The following HS3ST2 variants were observed in gnomAD, a reference collection of about 807,000 sequenced individuals.
The protein encoded by HS3ST2 is heparan sulfate glucosamine 3-O-sulfotransferase 2.
HS3ST2 carries 17 observed loss-of-function variants against 26.3 expected under a neutral mutation model. The observed-to-expected ratio is 0.65, with a 90% confidence interval of 0.44 to 0.97. HS3ST2 has a LOEUF of 0.97. Among genes scored for constraint, HS3ST2 ranks in the 50% least tolerant of loss-of-function variants. The pLI is 0.00. For missense variants in HS3ST2, 402 were observed against 501.2 expected, an observed-to-expected ratio of 0.80 and a Z score of 1.89; for synonymous variants, 237 against 219.2, an observed-to-expected ratio of 1.08 and a Z score of -0.72.
chr16:22,846,391 C>G lies in HS3ST2; in HGVS notation c.485+31296C>G, dbSNP rs115903305. Among the ~76,000 whole-genome samples the G allele has an allele frequency of 6.2e-3, 947 of 152,186 alleles. 13 individuals carry two copies. The highest frequency in any genetic ancestry group is 0.022 in the African/African-American group (899 of 41,508). ...TCTCATTGCAAACCCTTTCTTTGCT[C>G]TCACCTCTAATGCCTCCCTTGTTAT... is the stretch of plus-strand genomic sequence containing the variant. On this transcript the variant is annotated intron_variant, in intron 1 of 1. Transcript: ENST00000261374.
At chr16:22,861,450 G>C (rs963129014) in intron 1 of HS3ST2, among the ~76,000 whole-genome samples, 1 of 151,910 alleles carries the variant, frequency 6.6e-6, no homozygotes, top group Non-Finnish European at 1.5e-5. Flanking sequence ...AGGACTGGGG[G>C]CCATACCCTG....
chr16:22,825,892 G>A lies in HS3ST2; in HGVS notation c.485+10797G>A, dbSNP rs549808965. 4.5e-4 allele frequency among the ~76,000 whole-genome samples: 69 copies of A among 152,182 alleles called. 1 individual carries two copies. Among genetic ancestry groups the A allele is most frequent in the African/African-American group, 1.5e-3 (62 of 41,524 alleles). On this transcript the variant is annotated intron_variant, in intron 1 of 1. Coordinates refer to ENST00000261374, the MANE Select transcript of HS3ST2 (RefSeq NM_006043.2). The stretch of plus-strand genomic sequence containing the variant: ...ACAAAAATTAGCTGGGCGTGGTGGC[G>A]TGCGCCTGTATTCCCAGCTACTTGG...
At position 22,915,594 on chromosome 16, in the gene HS3ST2, T is replaced by C. The variant is rs1200066005; in HGVS notation, c.*32T>C. 2 of 1,588,284 alleles carry C rather than the reference T, an allele frequency of 1.3e-6. No individual in the cohort carries two copies. Among genetic ancestry groups the C allele is most frequent in the East Asian group, 4.5e-5 (2 of 44,632 alleles). ...GAAAGGAAAGGGCTCTCAAGGGCTC[T>C]TCTGCTCATCTCTTCCGTGAGATTT... On this transcript the variant is annotated 3_prime_UTR_variant, in exon 2 of 2. Coordinates refer to ENST00000261374, the MANE Select transcript of HS3ST2 (RefSeq NM_006043.2).
chr16:22,910,889 A>C (rs994283520), intron 1 of HS3ST2, among the ~76,000 whole-genome samples: 3 of 152,210 alleles, frequency 2.0e-5, no homozygotes, highest in African/African-American at 7.2e-5. Flanking sequence ...ATGGTTGCAC[A>C]TAAGGATTAG....
chr16:22,881,790 C>T (rs1320287572), intron 1 of HS3ST2, among the ~76,000 whole-genome samples: 1 of 152,166 alleles, frequency 6.6e-6, no homozygotes, highest in Non-Finnish European at 1.5e-5. Flanking sequence ...GGGTCCTTTG[C>T]TCACTTCTCT....
In HS3ST2 at chr16:22,874,491, G is replaced by A. The variant is rs556542082; in HGVS notation, c.486-40453G>A. ...TCAAGCCTGGTTTCCCAGCGATCAC[G>A]TCTGAGTCTCCCAATCCATGCTTCC... On this transcript the variant is annotated intron_variant, in intron 1 of 1. Transcript: ENST00000261374. Among the ~76,000 whole-genome samples, 53 of 152,332 alleles carry A rather than the reference G, an allele frequency of 3.5e-4. 3 individuals are homozygous for A. The South Asian group carries it at 0.011, about 31-fold the overall frequency.
intron 1 of HS3ST2, among the ~76,000 whole-genome samples, chr16:22,895,979 CTT>C (rs111437323): frequency 2.1e-5 from 3 of 144,214 alleles, no homozygotes; most frequent in Admixed American, 7.0e-5. Flanking sequence ...TAATTTTTAT[CTT>C]TTTTTTTTTT....
At chr16:22,818,472 AT>A (rs1900908018) in intron 1 of HS3ST2, among the ~76,000 whole-genome samples, 3 of 152,204 alleles carry the variant, frequency 2.0e-5, no homozygotes, top group African/African-American at 7.2e-5. Flanking sequence ...ATTGCTACTA[AT>A]TACTACAACA....
chr16:22,841,624 G>A (rs1412648224), intron 1 of HS3ST2, among the ~76,000 whole-genome samples: 3 of 152,144 alleles, frequency 2.0e-5, no homozygotes, highest in Non-Finnish European at 4.4e-5. Flanking sequence ...TGATTGTCTA[G>A]TATTTTAATT....
intron 1 of HS3ST2, among the ~76,000 whole-genome samples, chr16:22,850,751 C>T (rs1014577239): frequency 6.6e-6 from 1 of 152,206 alleles, no homozygotes; most frequent in Non-Finnish European, 1.5e-5. Flanking sequence ...TGTGCCACTG[C>T]ACTCCAGCCT....
At chr16:22,818,295 A>G (rs1051251237) in intron 1 of HS3ST2, among the ~76,000 whole-genome samples, 8 of 152,202 alleles carry the variant, frequency 5.3e-5, no homozygotes, top group African/African-American at 1.9e-4. Context: ...GTGCTGTATG[A>G]TTTGAAGAAA....
chr16:22,822,016 A>G (rs1226768230), intron 1 of HS3ST2, among the ~76,000 whole-genome samples: 2 of 152,056 alleles, frequency 1.3e-5, no homozygotes, highest in African/African-American at 4.8e-5. Flanking sequence ...GCCACCATGA[A>G]CACTCCCCAA....
chr16:22,840,149 T>TA (rs1901331115), intron 1 of HS3ST2, among the ~76,000 whole-genome samples: 1 of 152,216 alleles, frequency 6.6e-6, no homozygotes, highest in Non-Finnish European at 1.5e-5. Flanking sequence ...GCACCTGACT[T>TA]ACAAAGGTAA....
chr16:22,908,270 TA>T (rs1162106363), intron 1 of HS3ST2, among the ~76,000 whole-genome samples: 1 of 152,180 alleles, frequency 6.6e-6, no homozygotes, highest in Non-Finnish European at 1.5e-5. Context: ...TGGCTTCATT[TA>T]AACTTCAAAG....
At chr16:22,838,622 C>G (rs969212777) in intron 1 of HS3ST2, among the ~76,000 whole-genome samples, 1 of 152,018 alleles carries the variant, frequency 6.6e-6, no homozygotes, top group African/African-American at 2.4e-5. Context: ...AACTCAACTG[C>G]GGAAGCTTCT....
chr16:22,883,470 G>T (rs1163376067), intron 1 of HS3ST2, among the ~76,000 whole-genome samples: 1 of 152,226 alleles, frequency 6.6e-6, no homozygotes, highest in Non-Finnish European at 1.5e-5. Flanking sequence ...AAGAGAAATT[G>T]GGTCTGTGCT....
At chr16:22,854,011 T>TTTAATGGA (rs1901554729) in intron 1 of HS3ST2, among the ~76,000 whole-genome samples, 1 of 152,214 alleles carries the variant, frequency 6.6e-6, no homozygotes, top group Non-Finnish European at 1.5e-5. Context: ...CCATGTGGTC[T>TTTAATGGA]CACTATTGTA....
chr16:22,870,315 T>G (rs1225517216), intron 1 of HS3ST2, among the ~76,000 whole-genome samples: 1 of 152,132 alleles, frequency 6.6e-6, no homozygotes, highest in African/African-American at 2.4e-5. Flanking sequence ...TATCCAGATA[T>G]GACGACTGCT....
At chr16:22,897,055 C>A (rs1667010571) in intron 1 of HS3ST2, among the ~76,000 whole-genome samples, 1 of 152,200 alleles carries the variant, frequency 6.6e-6, no homozygotes, top group African/African-American at 2.4e-5. Context: ...GCAATCCAGT[C>A]ACCTAGCCCT....
Sources: allele counts gnomAD v4.1 joint callset (sites outside exome capture counted in the v4.1 genomes callset), GRCh38; gene constraint gnomAD v4.1.1; transcripts MANE v1.5; gene names NCBI Gene and HGNC (gene_info 2026-07-23, HGNC 2026-07-21).